ERBB3: variants seen among roughly 807,000 people sequenced by gnomAD.
The protein encoded by ERBB3 is receptor tyrosine-protein kinase erbB-3.
In ERBB3, 96 loss-of-function variants were observed where a neutral mutation model predicts 156.7. That is an observed-to-expected ratio of 0.61 (90% CI 0.52 to 0.73). The LOEUF (loss-of-function observed/expected upper bound fraction) is 0.73. ERBB3 is among the 30% of genes least tolerant of loss of function. The pLI is 0.00. For missense variants in ERBB3, 1,406 were observed against 1,709.4 expected (o/e 0.82, Z 3.13); for synonymous variants, 567 against 632.0 (o/e 0.90, Z 1.54).
intron 9 of ERBB3, among the ~76,000 whole-genome samples, chr12:56,089,441 A>G (rs569569840): frequency 6.6e-6 from 1 of 152,238 alleles, no homozygotes; most frequent in East Asian, 1.9e-4. Flanking sequence ...GTTCTTCCTT[A>G]GATTTGGATA....
rs4016497 is a variant in ERBB3, at chr12:56,102,806, TAAAAAAAAAAAA to T, written c.*768_*779del. 1.7e-3 allele frequency: 97 copies of T among 56,148 alleles called. 1 individual carries two copies. Among genetic ancestry groups the T allele is most frequent in the Admixed American group, 2.3e-3 (7 of 2,986 alleles). 3.5% of individuals were successfully genotyped at this position (56,148 alleles called of 1,614,324 possible). A position where few individuals can be genotyped will look rare whatever the true frequency, so the allele number is the denominator to read the frequency against. ...CAACATAGTAAGACCCCCATCTCTT[TAAAAAAAAAAAA>T]AAAAAAAAAAAAAAAACTTTAGAAC... is the stretch of plus-strand genomic sequence containing the variant. On this transcript the variant is annotated 3_prime_UTR_variant, in exon 28 of 28. Coordinates refer to ENST00000267101, the MANE Select transcript of ERBB3 (RefSeq NM_001982.4).
chr12:56,101,479 C>T (rs752065363), intron 27 of ERBB3, 50 bp from the exon 28 acceptor site: 2 of 1,605,622 alleles, frequency 1.2e-6, no homozygotes, highest in South Asian at 1.1e-5. Flanking sequence ...AAACTTTCCC[C>T]TACCCTCATG....
chr12:56,093,360 G>A lies in ERBB3; in HGVS notation c.1290G>A (p.Leu430=). The part of the protein sequence containing the change: ...GRSLYNRGFS[L]LIMKNLNVTS... The stretch of plus-strand genomic sequence containing the variant: ...TTATTCTCAGCCGGGGCTTCTCATT[G>A]TTGATCATGAAGAACTTGAATGTCA... Residue 430 remains leucine, a synonymous_variant, in exon 12 of 28, where the codon TTG becomes TTA. Transcript: ENST00000267101. The A allele has an allele frequency of 1.2e-6, 2 of 1,613,810 alleles. No homozygotes were observed. Among genetic ancestry groups the A allele is most frequent in the Non-Finnish European group, 1.7e-6 (2 of 1,179,932 alleles).
intron 1 of ERBB3, among the ~76,000 whole-genome samples, chr12:56,080,962 A>G (rs1445235319): frequency 1.3e-5 from 2 of 152,210 alleles, no homozygotes; most frequent in Non-Finnish European, 2.9e-5. Context: ...AGGTGACATC[A>G]GGCAGGAGGC....
Position 56,101,646 on chromosome 12 carries a change from G to A in ERBB3, c.3620G>A (p.Ser1207Asn), listed in dbSNP as rs1869111561. 1 of 1,613,896 alleles carries A rather than the reference G, an allele frequency of 6.2e-7. No individual in the cohort carries two copies. Among genetic ancestry groups the A allele is most frequent in the African/African-American group, 1.3e-5 (1 of 74,850 alleles). ...YEYMNRRRRH[S>N]PPHPPRPSSL... ...TACATGAACCGGAGGAGAAGGCACA[G>A]TCCACCTCATCCCCCTAGGCCAAGT... is the stretch of plus-strand genomic sequence containing the variant. Residue 1207 changes from serine to asparagine, a missense_variant, in exon 28 of 28, where the codon AGT becomes AAT. Transcript: ENST00000267101.
In ERBB3 at chr12:56,100,230, TG is replaced by T. The variant is rs1361831451; in HGVS notation, c.3190del (p.Glu1064SerfsTer38). The T allele has an allele frequency of 6.2e-7, 1 of 1,613,914 alleles. No homozygotes were observed. Among genetic ancestry groups the T allele is most frequent in the Non-Finnish European group, 8.5e-7 (1 of 1,179,800 alleles). On this transcript the variant is annotated frameshift_variant, in exon 26 of 28. Transcript: ENST00000267101. LOFTEE classifies it high-confidence loss of function. ...ACATGCCCATGAACCAGGGTAATCT[TG>T]GGGAGTCTTGCCAGGTAAGTTCTGT... ...GYMPMNQGNL[G>X]ESCQESAVSG...
intron 2 of ERBB3, 76 bp downstream of exon 2, chr12:56,083,978 T>C: frequency 7.0e-7 from 1 of 1,429,068 alleles, no homozygotes; most frequent in South Asian, 1.1e-5. Context: ...TCTTCAGGGC[T>C]ACCTTCTGCT....
At chr12:56,097,762 A>G (rs757334966) in intron 20 of ERBB3, 23 bp from the exon 21 acceptor site, 1 of 1,611,076 alleles carries the variant, frequency 6.2e-7, no homozygotes, top group East Asian at 2.2e-5. Flanking sequence ...CCTTAAGAAT[A>G]CTTTCTTCCC....
intron 9 of ERBB3, 45 bp from the exon 10 acceptor site, chr12:56,092,702 A>C (rs1868753699): frequency 5.8e-6 from 8 of 1,371,912 alleles, no homozygotes; most frequent in Non-Finnish European, 8.3e-6. Flanking sequence ...ATTGCCATTG[A>C]GTTATACCTT....
At position 56,102,823 on chromosome 12, in the gene ERBB3, A is replaced by AC. The variant is rs1869163236; in HGVS notation, c.*768_*769insC. On this transcript the variant is annotated 3_prime_UTR_variant, in exon 28 of 28. Coordinates refer to ENST00000267101, the MANE Select transcript of ERBB3 (RefSeq NM_001982.4). ...CATCTCTTTAAAAAAAAAAAAAAAA[A>AC]AAAAAAAAAAACTTTAGAACTGGGT... is the stretch of plus-strand genomic sequence containing the variant. 1 of 215,014 alleles carries AC rather than the reference A, an allele frequency of 4.7e-6. No individual in the cohort carries two copies. Among genetic ancestry groups the AC allele is most frequent in the African/African-American group, 2.3e-5 (1 of 44,010 alleles). 13.3% of individuals were successfully genotyped at this position (215,014 alleles called of 1,614,324 possible).
chr12:56,080,584 C>A (rs1868342267), intron 1 of ERBB3, among the ~76,000 whole-genome samples: 1 of 152,230 alleles, frequency 6.6e-6, no homozygotes, highest in Non-Finnish European at 1.5e-5. Context: ...GGGACCCTCA[C>A]GCCACCCTTC....
rs753623628 is a variant in ERBB3 at position 56,095,330 on chromosome 12, TC to T, written c.1913+21del. The T allele has an allele frequency of 8.7e-6, 14 of 1,606,066 alleles. No individual in the cohort carries two copies. Among genetic ancestry groups the T allele is most frequent in the Non-Finnish European group, 1.2e-5 (14 of 1,172,710 alleles). Reference sequence around the variant, plus strand: ...GATCGGGTATGATGGGGTTGGAGATTCTGGAAACTGGGGATATTTGGGAGTT... The same window carrying T: ...GATCGGGTATGATGGGGTTGGAGATTTGGAAACTGGGGATATTTGGGAGTT... On this transcript the variant is annotated intron_variant, in intron 16 of 27. Transcript: ENST00000267101.
At chr12:56,094,618 T>G in intron 15 of ERBB3, 62 bp downstream of exon 15, 1 of 1,568,166 alleles carries the variant, frequency 6.4e-7, no homozygotes, top group Non-Finnish European at 8.7e-7. Context: ...AGAACTAGAG[T>G]GAGGGAAGCA....
chr12:56,099,773 A>T (rs1412313903), intron 24 of ERBB3, 28 bp downstream of exon 24: 1 of 1,613,046 alleles, frequency 6.2e-7, no homozygotes, highest in Non-Finnish European at 8.5e-7. Flanking sequence ...GGTGCTAAGG[A>T]AATTTAGAAA....
At chr12:56,090,012 A>T (rs373094956) in intron 9 of ERBB3, among the ~76,000 whole-genome samples, 1 of 148,996 alleles carries the variant, frequency 6.7e-6, no homozygotes, top group Admixed American at 6.7e-5. Context: ...TTTTTTTAAG[A>T]CAAAGTCTCA....
chr12:56,089,250 TG>T (rs966794305), intron 9 of ERBB3: 2 of 418,220 alleles, frequency 4.8e-6, no homozygotes, highest in Non-Finnish European at 9.3e-6. Flanking sequence ...CCCAAGTAGC[TG>T]GGACTATAGG....
rs1363054472 is a variant in ERBB3 at position 56,085,200 on chromosome 12, C to G, written c.421+19C>G. 2 of 1,614,176 alleles carry G rather than the reference C, an allele frequency of 1.2e-6. No homozygotes were observed. Among genetic ancestry groups the G allele is most frequent in the Admixed American group, 3.3e-5 (2 of 60,016 alleles). On this transcript the variant is annotated intron_variant, in intron 3 of 27. Transcript: ENST00000267101. The stretch of plus-strand genomic sequence containing the variant: ...CTCACCGGTCAGTTCCCGATGGTTC[C>G]TTCTGGCCTCACCCCTCAGCCAGCC...
At chr12:56,088,688 G>A (rs1445356444) in intron 8 of ERBB3, 32 bp downstream of exon 8, 2 of 1,613,996 alleles carry the variant, frequency 1.2e-6, no homozygotes, top group Non-Finnish European at 1.7e-6. Context: ...GTTGTAAAGA[G>A]ACAGCCTTTC....
Position 56,086,077 on chromosome 12 carries a change from A to C in ERBB3, c.422-454A>C, listed in dbSNP as rs988584288. Among the ~76,000 whole-genome samples the C allele has an allele frequency of 5.3e-5, 8 of 151,762 alleles. 1 individual carries two copies. Among genetic ancestry groups the C allele is most frequent in the Admixed American group, 2.6e-4 (4 of 15,220 alleles). On this transcript the variant is annotated intron_variant, in intron 3 of 27. Coordinates refer to ENST00000267101, the MANE Select transcript of ERBB3 (RefSeq NM_001982.4). ...GAGCGAGACTCCAAAAAAAAAAAAA[A>C]AAAAAAAAACCAAAGTACAGTATAC...
Sources: gnomAD v4.1 joint callset for allele counts (sites outside exome capture counted in the v4.1 genomes callset) on GRCh38, gnomAD v4.1.1 for gene constraint, MANE v1.5 for transcripts, NCBI Gene and HGNC (gene_info 2026-07-23, HGNC 2026-07-21) for gene names.